The following ANKRD17 variants were observed in gnomAD, a reference collection of about 807,000 sequenced individuals.
ANKRD17 encodes the protein ankyrin repeat domain-containing protein 17.
A neutral mutation model predicts 229.7 loss-of-function variants in ANKRD17; 19 were observed. The observed-to-expected ratio is 0.08, with a 90% CI of 0.06 to 0.12. The LOEUF (loss-of-function observed/expected upper bound fraction) is 0.12, where lower values mean the gene tolerates loss of function less well. ANKRD17 is among the 10% of genes least tolerant of loss of function. ANKRD17 has a pLI of 1.00. For missense variants in ANKRD17, 2,176 were observed against 3,176.8 expected (o/e 0.68, Z 7.57); for synonymous variants, 1,112 against 1,146.1 (o/e 0.97, Z 0.60).
At chr4:73,223,163 C>T (rs1742084465) in intron 1 of ANKRD17, 2 of 832,460 alleles carry the variant, frequency 2.4e-6, no homozygotes, top group Admixed American at 2.9e-5. Context: ...GTTCACTAGC[C>T]AGGCATCTAC....
rs145231721 is a variant in ANKRD17, at chr4:73,165,047, T to A, written c.548-3699A>T. Among the ~76,000 whole-genome samples the A allele has an allele frequency of 5.3e-3, 802 of 152,152 alleles. 1 individual carries two copies. Among genetic ancestry groups the A allele is most frequent in the Non-Finnish European group, 8.3e-3 (563 of 67,984 alleles). The stretch of plus-strand genomic sequence containing the variant: ...CAGAGGGCTAAAATGCAAGAGAAAT[T>A]CCATCTATGGTAAAACTAGGAAAAA... On this transcript the variant is annotated intron_variant, in intron 2 of 33. Coordinates refer to ENST00000358602, the MANE Select transcript of ANKRD17 (RefSeq NM_032217.5).
At chr4:73,167,146 T>C (rs893620559) in intron 2 of ANKRD17, among the ~76,000 whole-genome samples, 1 of 152,152 alleles carries the variant, frequency 6.6e-6, no homozygotes, top group Non-Finnish European at 1.5e-5. Flanking sequence ...TAGGCAGATA[T>C]GAAAAAAGAC....
At chr4:73,247,750 T>C (rs999074209) in intron 1 of ANKRD17, among the ~76,000 whole-genome samples, 15 of 152,114 alleles carry the variant, frequency 9.9e-5, no homozygotes, top group East Asian at 1.9e-4. Flanking sequence ...ATCTCTTCAA[T>C]TGATATATTT....
chr4:73,081,548 A>G (rs988919208), intron 30 of ANKRD17, among the ~76,000 whole-genome samples: 7 of 152,248 alleles, frequency 4.6e-5, no homozygotes, highest in Non-Finnish European at 1.0e-4. Context: ...TTAGAAAAAA[A>G]GCAAAATTTA....
intron 3 of ANKRD17, among the ~76,000 whole-genome samples, chr4:73,157,359 T>C (rs2148894007): frequency 6.6e-6 from 1 of 152,044 alleles, no homozygotes; most frequent in East Asian, 1.9e-4. Context: ...AAGTTTCAAA[T>C]CCAGGCAAAG....
At chr4:73,106,239 G>A (rs375381510) in intron 24 of ANKRD17, among the ~76,000 whole-genome samples, 16 of 151,770 alleles carry the variant, frequency 1.1e-4, no homozygotes, top group African/African-American at 2.4e-4. Context: ...GCAAGACTCC[G>A]TCTCAAAAAA....
intron 16 of ANKRD17, among the ~76,000 whole-genome samples, chr4:73,133,998 G>C (rs942498172): frequency 5.3e-5 from 8 of 152,138 alleles, no homozygotes; most frequent in Non-Finnish European, 1.0e-4. Flanking sequence ...CATCATGTAT[G>C]TGGTCTGAGG....
intron 1 of ANKRD17, among the ~76,000 whole-genome samples, chr4:73,179,464 A>ATGTGTGTGTG (rs1449711852): frequency 2.2e-5 from 2 of 91,926 alleles, no homozygotes; most frequent in South Asian, 6.9e-4. Context: ...ATATATGTAT[A>ATGTGTGTGTG]TATGTGTGTG....
At chr4:73,117,706 G>A (rs901029031) in intron 22 of ANKRD17, among the ~76,000 whole-genome samples, 1 of 151,936 alleles carries the variant, frequency 6.6e-6, no homozygotes, top group Non-Finnish European at 1.5e-5. Context: ...GCATCTACAG[G>A]GAATTTTATC....
In ANKRD17 at chr4:73,075,524, T is replaced by C. The variant is rs1035783213; in HGVS notation, c.*707A>G. On this transcript the variant is annotated 3_prime_UTR_variant, in exon 34 of 34. Coordinates refer to ENST00000358602, the MANE Select transcript of ANKRD17 (RefSeq NM_032217.5). ...TAGTTTTAAAAGTGAGAAAAGGTAA[T>C]AAAACAACATGGAAAAGCCAGAAAT... The C allele has an allele frequency of 1.3e-5, 2 of 152,490 alleles. No individual in the cohort carries two copies. Among genetic ancestry groups the C allele is most frequent in the African/African-American group, 4.8e-5 (2 of 41,420 alleles). 9.4% of individuals were successfully genotyped at this position (152,490 alleles called of 1,614,324 possible).
intron 1 of ANKRD17, among the ~76,000 whole-genome samples, chr4:73,240,145 T>C (rs1743883154): frequency 6.6e-6 from 1 of 152,138 alleles, no homozygotes; most frequent in Admixed American, 6.5e-5. Context: ...GATTTTCAAG[T>C]TCAAAGACAA....
intron 1 of ANKRD17, among the ~76,000 whole-genome samples, chr4:73,196,651 C>A (rs918420469): frequency 1.3e-5 from 2 of 152,088 alleles, no homozygotes; most frequent in African/African-American, 4.8e-5. Flanking sequence ...TAAGAGTATT[C>A]TTTTCTGTTG....
chr4:73,204,134 C>T (rs1179913487), intron 1 of ANKRD17, among the ~76,000 whole-genome samples: 2 of 151,564 alleles, frequency 1.3e-5, no homozygotes, highest in African/African-American at 2.4e-5. Context: ...CACAGGCGGG[C>T]GATCACGAGG....
intron 1 of ANKRD17, among the ~76,000 whole-genome samples, chr4:73,242,873 T>C (rs764899932): frequency 6.6e-6 from 1 of 152,176 alleles, no homozygotes; most frequent in Non-Finnish European, 1.5e-5. Flanking sequence ...TTAATACTAA[T>C]AAAGCTTGGT....
intron 31 of ANKRD17, 118 bp from the exon 32 acceptor site, chr4:73,077,651 C>T: frequency 1.2e-6 from 1 of 824,748 alleles, no homozygotes; most frequent in Non-Finnish European, 1.8e-6. Context: ...TAATGACCTA[C>T]TTTTATATAT....
chr4:73,115,809 AC>A lies in ANKRD17; in HGVS notation c.4284+11del. 7 of 1,597,330 alleles carry A rather than the reference AC, an allele frequency of 4.4e-6. No homozygotes were observed. Among genetic ancestry groups the A allele is most frequent in the Non-Finnish European group, 6.0e-6 (7 of 1,166,968 alleles). ...ATAGAGTCCCTTGCTCATATAGTGA[AC>A]AACATATTACCTTATCAGTGATGGT... On this transcript the variant is annotated intron_variant, in intron 23 of 33. Coordinates refer to ENST00000358602, the MANE Select transcript of ANKRD17 (RefSeq NM_032217.5).
chr4:73,167,971 C>T (rs557376643), intron 2 of ANKRD17, among the ~76,000 whole-genome samples: 13 of 151,804 alleles, frequency 8.6e-5, no homozygotes, highest in African/African-American at 3.1e-4. Flanking sequence ...GCTAACGCAG[C>T]GAAACCCCGT....
At chr4:73,109,714 TCA>T (rs1337838804) in intron 24 of ANKRD17, among the ~76,000 whole-genome samples, 2 of 152,256 alleles carry the variant, frequency 1.3e-5, no homozygotes, top group South Asian at 4.1e-4. Flanking sequence ...GGGTTCGTTG[TCA>T]CACATTTCAA....
chr4:73,249,864 TAAAATAAAATA>T (rs1308126817), intron 1 of ANKRD17, among the ~76,000 whole-genome samples: 1 of 151,922 alleles, frequency 6.6e-6, no homozygotes, highest in Non-Finnish European at 1.5e-5. Flanking sequence ...TCAAAAAAAA[TAAAATAAAATA>T]AAAATAAATT....
Sources: gnomAD v4.1 joint callset for allele counts (sites outside exome capture counted in the v4.1 genomes callset) on GRCh38, gnomAD v4.1.1 for gene constraint, MANE v1.5 for transcripts, NCBI Gene and HGNC (gene_info 2026-07-23, HGNC 2026-07-21) for gene names.